Variants in SYT1 observed in about 807,000 individuals in gnomAD.
SYT1 encodes the protein synaptotagmin-1.
Under a neutral mutation model 44.8 loss-of-function variants are expected in SYT1, and 8 were observed. That is an observed-to-expected ratio of 0.18 (90% CI 0.10 to 0.32). The LOEUF is 0.32. Ranked by LOEUF, SYT1 falls within the 10% of genes least tolerant of loss-of-function variation. The pLI, the probability that SYT1 is intolerant of heterozygous loss-of-function variation, is 1.00. For missense variants in SYT1, 286 were observed against 509.3 expected (o/e 0.56, Z 4.22); for synonymous variants, 154 against 188.8 (o/e 0.82, Z 1.51).
chr12:79,254,480 CAGG>C (rs754171311), intron 4 of SYT1, among the ~76,000 whole-genome samples: 4 of 152,188 alleles, frequency 2.6e-5, no homozygotes, highest in Non-Finnish European at 5.9e-5. Flanking sequence ...GATGAAGACG[CAGG>C]AGGAGATTGA....
intron 4 of SYT1, among the ~76,000 whole-genome samples, chr12:79,221,250 T>C (rs1453492999): frequency 6.6e-6 from 1 of 152,126 alleles, no homozygotes; most frequent in Non-Finnish European, 1.5e-5. Context: ...TTATTCCTGC[T>C]CTCTTTTGGT....
chr12:78,878,988 C>T (rs1003478356), intron 1 of SYT1, among the ~76,000 whole-genome samples: 39 of 151,806 alleles, frequency 2.6e-4, no homozygotes, highest in African/African-American at 8.7e-4. Context: ...TCTACTCTCA[C>T]CCTGTAAAAG....
chr12:79,313,896 G>A (rs184345468), intron 8 of SYT1, among the ~76,000 whole-genome samples: 8 of 149,052 alleles, frequency 5.4e-5, no homozygotes, highest in African/African-American at 1.6e-4. Context: ...GGGGCCGGGC[G>A]CGGTGGCTCA....
intron 3 of SYT1, among the ~76,000 whole-genome samples, chr12:79,102,621 G>T (rs951852121): frequency 6.6e-6 from 1 of 152,190 alleles, no homozygotes; most frequent in Non-Finnish European, 1.5e-5. Context: ...TGTTACCACT[G>T]TATCTCCAGT....
intron 8 of SYT1, among the ~76,000 whole-genome samples, chr12:79,318,022 T>G (rs887683016): frequency 7.2e-5 from 11 of 152,284 alleles, no homozygotes; most frequent in African/African-American, 1.9e-4. Flanking sequence ...ATTTAAAAAT[T>G]TTTAAAGAAT....
chr12:78,990,127 T>A (rs1869919769), intron 2 of SYT1, among the ~76,000 whole-genome samples: 1 of 152,176 alleles, frequency 6.6e-6, no homozygotes, highest in Non-Finnish European at 1.5e-5. Context: ...GTGGGTGGTA[T>A]TTGAACATGA....
chr12:79,234,632 A>C (rs987453752), intron 4 of SYT1, among the ~76,000 whole-genome samples: 1 of 151,628 alleles, frequency 6.6e-6, no homozygotes, highest in Non-Finnish European at 1.5e-5. Flanking sequence ...GATATCCATG[A>C]GTTGCTTATC....
chr12:79,206,690 A>C (rs2138518039), intron 3 of SYT1, among the ~76,000 whole-genome samples: 1 of 152,352 alleles, frequency 6.6e-6, no homozygotes, highest in African/African-American at 2.4e-5. Context: ...ATGCACAGTG[A>C]AGAGTTACTG....
chr12:79,448,367 T>C (rs1256176519), intron 10 of SYT1, among the ~76,000 whole-genome samples: 3 of 152,242 alleles, frequency 2.0e-5, no homozygotes, highest in African/African-American at 7.2e-5. Context: ...AATCATATGA[T>C]TAGTTGAAAT....
intron 3 of SYT1, among the ~76,000 whole-genome samples, chr12:79,155,334 G>A (rs967574532): frequency 3.9e-5 from 6 of 152,200 alleles, no homozygotes; most frequent in African/African-American, 1.2e-4. Context: ...TATCAGAAGG[G>A]ATGCTGTTCA....
At chr12:78,923,586 T>A (rs372866597) in intron 1 of SYT1, among the ~76,000 whole-genome samples, 6 of 151,914 alleles carry the variant, frequency 3.9e-5, no homozygotes, top group Non-Finnish European at 8.8e-5. Flanking sequence ...TAATTTCAGA[T>A]TTCAGACGTT....
At position 79,188,337 on chromosome 12, in the gene SYT1, A is replaced by C. The variant is rs1461047441; in HGVS notation, c.-17-29166A>C. 2.6e-5 allele frequency among the ~76,000 whole-genome samples: 4 copies of C among 152,128 alleles called. No homozygotes were observed. In the East Asian group the frequency reaches 7.7e-4, roughly 29 times the overall value. On this transcript the variant is annotated intron_variant, in intron 3 of 10. Transcript: ENST00000261205. The stretch of plus-strand genomic sequence containing the variant: ...ATAAAAAATGTATCTGGAACATCTG[A>C]GTGCAAGATTTTTGATTGGATTTTA...
chr12:78,876,780 T>C (rs1332329946), intron 1 of SYT1, among the ~76,000 whole-genome samples: 2 of 47,532 alleles, frequency 4.2e-5, no homozygotes, highest in African/African-American at 1.7e-4. Flanking sequence ...TATTTATATA[T>C]TATATAATAC....
chr12:79,083,726 A>G (rs934488412), intron 3 of SYT1, among the ~76,000 whole-genome samples: 3 of 152,120 alleles, frequency 2.0e-5, no homozygotes, highest in Non-Finnish European at 4.4e-5. Flanking sequence ...TTATGTGGAG[A>G]TGTAATATAC....
At chr12:79,313,070 C>G (rs1173465210) in intron 8 of SYT1, among the ~76,000 whole-genome samples, 1 of 152,312 alleles carries the variant, frequency 6.6e-6, no homozygotes, top group Non-Finnish European at 1.5e-5. Flanking sequence ...AAACTTACAG[C>G]TGGTGTTCCC....
At position 79,179,354 on chromosome 12, in the gene SYT1, C is replaced by CGATATA. The variant is rs1555204840; in HGVS notation, c.-17-38124_-17-38119dup. 9.8e-5 allele frequency among the ~76,000 whole-genome samples: 6 copies of CGATATA among 61,076 alleles called. 1 individual carries two copies. The South Asian group carries it at 1.8e-3, about 18-fold the overall frequency. The allele number at this position is 61,076 out of a possible 152,430, so 40.1% of individuals were successfully genotyped here. On this transcript the variant is annotated intron_variant, in intron 3 of 10. Transcript: ENST00000261205. Reference sequence around the variant, plus strand: ...TATAGATATATCGATATGTCTATATCGATATAGATATAGATATAGATATAG... The same window carrying CGATATA: ...TATAGATATATCGATATGTCTATATCGATATAGATATAGATATAGATATAGATATAG...
chr12:79,249,241 A>G (rs182454228), intron 4 of SYT1, among the ~76,000 whole-genome samples: 2,276 of 151,360 alleles, frequency 0.015, 38 homozygotes, highest in African/African-American at 0.046. Context: ...AGTAGCTGGG[A>G]CTACAGGCGC....
At chr12:79,131,935 T>C (rs1486668635) in intron 3 of SYT1, among the ~76,000 whole-genome samples, 1 of 152,194 alleles carries the variant, frequency 6.6e-6, no homozygotes, top group Admixed American at 6.5e-5. Context: ...GGAGCTATGA[T>C]AATTTAGTTG....
At chr12:79,136,368 A>T (rs573336082) in intron 3 of SYT1, among the ~76,000 whole-genome samples, 91 of 152,320 alleles carry the variant, frequency 6.0e-4, no homozygotes, top group African/African-American at 1.9e-3. Context: ...TCATTAGCTC[A>T]CAAGAGTGAG....
Sources: gnomAD v4.1 joint callset for allele counts (sites outside exome capture counted in the v4.1 genomes callset) on GRCh38, gnomAD v4.1.1 for gene constraint, MANE v1.5 for transcripts, NCBI Gene and HGNC (gene_info 2026-07-23, HGNC 2026-07-21) for gene names.